GPM6A: variants seen among roughly 807,000 people sequenced by gnomAD.
GPM6A encodes glycoprotein M6A.
In GPM6A, 7 loss-of-function variants were observed where a neutral mutation model predicts 32.1. The ratio of observed to expected loss-of-function variants is 0.22; its 90% CI spans 0.12 to 0.41. The LOEUF is 0.41. Ranked by LOEUF, GPM6A falls within the 10% of genes least tolerant of loss-of-function variation. The pLI, the probability that GPM6A is intolerant of heterozygous loss-of-function variation, is 1.00. For missense variants in GPM6A, 235 were observed against 347.2 expected, an observed-to-expected ratio of 0.68 and a Z score of 2.57; for synonymous variants, 130 against 123.4, an observed-to-expected ratio of 1.05 and a Z score of -0.35.
At chr4:175,658,911 A>T (rs1406692625) in intron 3 of GPM6A, among the ~76,000 whole-genome samples, 7 of 152,190 alleles carry the variant, frequency 4.6e-5, no homozygotes, top group South Asian at 2.1e-4. Flanking sequence ...GGATGATTTC[A>T]TCAGAATAAA....
rs1403918684 is a variant in GPM6A at position 175,767,969 on chromosome 4, CAT to C, written c.37+44220_37+44221del. 2.6e-5 allele frequency among the ~76,000 whole-genome samples: 4 copies of C among 152,142 alleles called. No individual in the cohort carries two copies. The East Asian group carries it at 7.7e-4, about 29-fold the overall frequency. On this transcript the variant is annotated intron_variant, in intron 1 of 6. Coordinates refer to ENST00000393658, the MANE Select transcript of GPM6A (RefSeq NM_201591.3). Reference sequence around the variant, plus strand: ...CTGCTTGGGAGATTCAAGCAGATAACATATTTTTCAGAGATTTAGAGGCTGCT... The same window carrying C: ...CTGCTTGGGAGATTCAAGCAGATAACATTTTTCAGAGATTTAGAGGCTGCT...
intron 1 of GPM6A, among the ~76,000 whole-genome samples, chr4:175,703,730 T>C (rs776443582): frequency 8.5e-5 from 13 of 152,200 alleles, no homozygotes; most frequent in Non-Finnish European, 1.8e-4. Context: ...CAAGAGCAAA[T>C]ACTGGTGAGG....
At position 175,634,614 on chromosome 4, in the gene GPM6A, G is replaced by T; in HGVS notation, c.*291C>A. On this transcript the variant is annotated 3_prime_UTR_variant, in exon 7 of 7. Transcript: ENST00000393658. Reference sequence around the variant, plus strand: ...GTGGTTAAAAATCAAACAAATCTTTGCATTTGACAATGTTAGTATCTTTGA... The same window carrying T: ...GTGGTTAAAAATCAAACAAATCTTTTCATTTGACAATGTTAGTATCTTTGA... 1 of 279,258 alleles carries T rather than the reference G, an allele frequency of 3.6e-6. No homozygotes were observed. The highest frequency in any genetic ancestry group is 6.7e-6 in the Non-Finnish European group (1 of 150,134). The allele number at this position is 279,258 out of a possible 1,614,324, so 17.3% of individuals were successfully genotyped here. A position where few individuals can be genotyped will look rare whatever the true frequency, so the allele number is the denominator to read the frequency against.
At chr4:175,964,189 T>A (rs1453225531) in intron 1 of GPM6A, among the ~76,000 whole-genome samples, 2 of 151,784 alleles carry the variant, frequency 1.3e-5, no homozygotes, top group Non-Finnish European at 2.9e-5. Context: ...ATGATCTAAC[T>A]ATATCAATAA....
At chr4:175,800,128 T>A (rs1457704177) in intron 1 of GPM6A, among the ~76,000 whole-genome samples, 1 of 152,136 alleles carries the variant, frequency 6.6e-6, no homozygotes, top group Non-Finnish European at 1.5e-5. Context: ...GGTTAGGAAG[T>A]CAATAAATAA....
At chr4:175,669,840 A>G (rs1373060332) in intron 3 of GPM6A, among the ~76,000 whole-genome samples, 1 of 152,166 alleles carries the variant, frequency 6.6e-6, no homozygotes, top group Non-Finnish European at 1.5e-5. Context: ...CCTTATAAAA[A>G]AAGGGGAAAT....
chr4:175,789,562 A>G (rs1489662336), intron 1 of GPM6A, among the ~76,000 whole-genome samples: 2 of 152,188 alleles, frequency 1.3e-5, no homozygotes, highest in Non-Finnish European at 2.9e-5. Context: ...GAGGTATGAG[A>G]AATCAGGGAA....
At chr4:175,655,094 C>G (rs1742009282) in intron 3 of GPM6A, among the ~76,000 whole-genome samples, 1 of 152,102 alleles carries the variant, frequency 6.6e-6, no homozygotes, top group Middle Eastern at 3.2e-3. Context: ...TCTGAAACCA[C>G]AGGACTGCCT....
intron 1 of GPM6A, among the ~76,000 whole-genome samples, chr4:175,745,962 T>A (rs1457192183): frequency 6.6e-6 from 1 of 152,088 alleles, no homozygotes; most frequent in Non-Finnish European, 1.5e-5. Flanking sequence ...GGACAAGGCT[T>A]GAGGCAAAGA....
At chr4:175,785,667 C>T (rs758145085) in intron 1 of GPM6A, among the ~76,000 whole-genome samples, 11 of 152,092 alleles carry the variant, frequency 7.2e-5, no homozygotes, top group Non-Finnish European at 1.3e-4. Flanking sequence ...CATATGTTGT[C>T]AACAGATTTC....
chr4:175,725,241 G>T (rs753871069), intron 1 of GPM6A, among the ~76,000 whole-genome samples: 2 of 151,602 alleles, frequency 1.3e-5, no homozygotes, highest in Non-Finnish European at 2.9e-5. Context: ...CTTATTATTA[G>T]GCCCAAAAGA....
At chr4:175,652,069 T>C (rs1741841585) in intron 3 of GPM6A, 82 bp from the exon 4 acceptor site, 2 of 1,045,362 alleles carry the variant, frequency 1.9e-6, no homozygotes, top group South Asian at 3.2e-5. Flanking sequence ...AAAGCTCCAT[T>C]ATAGGAAGTT....
intron 1 of GPM6A, among the ~76,000 whole-genome samples, chr4:175,714,995 A>G (rs1260899601): frequency 3.6e-5 from 3 of 84,092 alleles, no homozygotes; most frequent in African/African-American, 6.0e-5. Context: ...TCCCTGGAAG[A>G]AAAAAAAAAA....
At chr4:175,912,523 T>G (rs752662038) in intron 1 of GPM6A, among the ~76,000 whole-genome samples, 3 of 152,004 alleles carry the variant, frequency 2.0e-5, no homozygotes, top group Non-Finnish European at 4.4e-5. Flanking sequence ...GATGTGGTGG[T>G]GCATGCCTGT....
intron 1 of GPM6A, among the ~76,000 whole-genome samples, chr4:175,741,859 G>A (rs1731901201): frequency 6.6e-6 from 1 of 151,982 alleles, no homozygotes; most frequent in African/African-American, 2.4e-5. Flanking sequence ...ATAATTTAGA[G>A]CAAAATGTCT....
chr4:175,962,310 C>T, intron 1 of GPM6A: 1 of 1,131,964 alleles, frequency 8.8e-7, no homozygotes, highest in Non-Finnish European at 1.3e-6. Context: ...AGTGAGTTTA[C>T]TGGGTCCTGT....
At chr4:175,872,775 A>G (rs975194450) in intron 1 of GPM6A, 2 of 152,226 alleles carry the variant, frequency 1.3e-5, no homozygotes, top group Non-Finnish European at 2.9e-5. Context: ...GAAGCAATAA[A>G]TTAACATGTA....
At chr4:175,835,231 A>G (rs1735728000) in intron 1 of GPM6A, among the ~76,000 whole-genome samples, 1 of 152,174 alleles carries the variant, frequency 6.6e-6, no homozygotes, top group African/African-American at 2.4e-5. Flanking sequence ...ATACACTAAG[A>G]CTAATCTAAA....
At chr4:175,877,252 C>G (rs1266816505) in intron 1 of GPM6A, among the ~76,000 whole-genome samples, 1 of 152,096 alleles carries the variant, frequency 6.6e-6, no homozygotes, top group Admixed American at 6.6e-5. Flanking sequence ...AGGCAAGAAG[C>G]AAGGGACAGC....
Sources: allele counts gnomAD v4.1 joint callset (sites outside exome capture counted in the v4.1 genomes callset), GRCh38; gene constraint gnomAD v4.1.1; transcripts MANE v1.5; gene names NCBI Gene and HGNC (gene_info 2026-07-23, HGNC 2026-07-21).